The following NEGR1 variants were observed in gnomAD, a reference collection of about 807,000 sequenced individuals.
NEGR1 encodes neuronal growth regulator 1.
In NEGR1, 10 loss-of-function variants were observed where a neutral mutation model predicts 40.9. The observed-to-expected ratio is 0.24, with a 90% CI of 0.15 to 0.42. The LOEUF is 0.42. NEGR1 is among the 10% of genes least tolerant of loss of function. The pLI, the probability that NEGR1 is intolerant of heterozygous loss-of-function variation, is 1.00. For missense variants in NEGR1, 352 were observed against 438.9 expected (o/e 0.80, Z 1.77); for synonymous variants, 185 against 166.8 (o/e 1.11, Z -0.84).
intron 5 of NEGR1, among the ~76,000 whole-genome samples, chr1:71,594,571 A>G (rs150496378): frequency 0.015 from 2,331 of 152,314 alleles, 81 homozygotes; most frequent in Admixed American, 0.067. Context: ...ATAAACATTG[A>G]ACAAACTTTA....
At chr1:71,994,927 C>T (rs1646490315) in intron 1 of NEGR1, among the ~76,000 whole-genome samples, 1 of 141,776 alleles carries the variant, frequency 7.1e-6, no homozygotes, top group Non-Finnish European at 1.5e-5. Flanking sequence ...TCCTGCCAGG[C>T]ATCAGTATGC....
chr1:71,526,218 A>T (rs563768333), intron 6 of NEGR1, among the ~76,000 whole-genome samples: 2 of 151,710 alleles, frequency 1.3e-5, no homozygotes, highest in South Asian at 2.1e-4. Flanking sequence ...TTTGAAATAT[A>T]TTCTGAGCTG....
intron 6 of NEGR1, among the ~76,000 whole-genome samples, chr1:71,591,497 C>T (rs1298421334): frequency 6.6e-6 from 1 of 152,028 alleles, no homozygotes; most frequent in East Asian, 1.9e-4. Context: ...CTTTCAAGTG[C>T]TTGAATATTT....
chr1:71,706,299 C>T (rs1653897889), intron 3 of NEGR1, among the ~76,000 whole-genome samples: 1 of 152,118 alleles, frequency 6.6e-6, no homozygotes, highest in Non-Finnish European at 1.5e-5. Context: ...CAGCCCTAGC[C>T]AGAGGGGAAT....
intron 1 of NEGR1, among the ~76,000 whole-genome samples, chr1:72,111,911 C>T (rs1649385602): frequency 6.6e-6 from 1 of 151,762 alleles, no homozygotes; most frequent in Non-Finnish European, 1.5e-5. Context: ...AGATAATTAA[C>T]AAGAAGGTAA....
chr1:71,724,268 G>C (rs1213558), intron 3 of NEGR1, among the ~76,000 whole-genome samples: 75,073 of 151,880 alleles, frequency 0.49, 18,900 homozygotes, highest in East Asian at 0.78. Flanking sequence ...GCATCCAGTG[G>C]ATCACACCAT....
intron 6 of NEGR1, among the ~76,000 whole-genome samples, chr1:71,564,796 T>C (rs12092622): frequency 0.017 from 2,586 of 152,152 alleles, 77 homozygotes; most frequent in African/African-American, 0.06. Flanking sequence ...AACTCACAGA[T>C]CATATAATCA....
intron 4 of NEGR1, among the ~76,000 whole-genome samples, chr1:71,676,945 T>C (rs1354664892): frequency 6.6e-6 from 1 of 152,166 alleles, no homozygotes. Flanking sequence ...GGAGTGTAAG[T>C]TGCAGTTTAA....
chr1:72,015,097 AT>A (rs1343948021), intron 1 of NEGR1, among the ~76,000 whole-genome samples: 1 of 121,964 alleles, frequency 8.2e-6, no homozygotes, highest in African/African-American at 3.5e-5. Flanking sequence ...TCAGAAAAAA[AT>A]CTTTTGACAG....
chr1:71,928,166 A>G (rs1038874839), intron 2 of NEGR1, among the ~76,000 whole-genome samples: 1 of 134,096 alleles, frequency 7.5e-6, no homozygotes, highest in Non-Finnish European at 1.6e-5. Context: ...ATATACGTAT[A>G]TATGTATATA....
intron 2 of NEGR1, among the ~76,000 whole-genome samples, chr1:71,916,640 C>T (rs1661594227): frequency 6.6e-6 from 1 of 152,146 alleles, no homozygotes; most frequent in African/African-American, 2.4e-5. Context: ...CTTGTAATCA[C>T]AGCTACTTGG....
intron 5 of NEGR1, among the ~76,000 whole-genome samples, chr1:71,593,559 C>G (rs773309673): frequency 1.2e-3 from 178 of 152,200 alleles, no homozygotes; most frequent in Non-Finnish European, 2.1e-3. Context: ...AAGTTGAGTC[C>G]CATCACTGTC....
intron 2 of NEGR1, among the ~76,000 whole-genome samples, chr1:71,881,247 A>G (rs932069127): frequency 6.6e-6 from 1 of 152,082 alleles, no homozygotes; most frequent in Non-Finnish European, 1.5e-5. Context: ...CTGATGCAGA[A>G]AGAAAACAGA....
intron 4 of NEGR1, among the ~76,000 whole-genome samples, chr1:71,692,911 T>C (rs574986374): frequency 4.6e-4 from 70 of 151,820 alleles, no homozygotes; most frequent in Non-Finnish European, 7.2e-4. Context: ...TAAAAACGTG[T>C]GTACAAAATA....
chr1:72,008,520 T>G lies in NEGR1; in HGVS notation c.177-73209A>C, dbSNP rs78733010. On this transcript the variant is annotated intron_variant, in intron 1 of 6. Coordinates refer to ENST00000357731, the MANE Select transcript of NEGR1 (RefSeq NM_173808.3). ...CAGCAATAGAAACAATACCTATCTA[T>G]TGGGCTGCTTTAAGAATTAAATGAG... Among the ~76,000 whole-genome samples the G allele has an allele frequency of 2.0e-5, 3 of 152,234 alleles. No homozygotes were observed. In the East Asian group the frequency reaches 5.8e-4, roughly 29 times the overall value.
intron 1 of NEGR1, among the ~76,000 whole-genome samples, chr1:72,178,862 G>C (rs1240430941): frequency 6.6e-6 from 1 of 151,758 alleles, no homozygotes; most frequent in Non-Finnish European, 1.5e-5. Flanking sequence ...TTTGAGAAAT[G>C]TCTGTTCATG....
At chr1:71,880,402 C>T (rs998167705) in intron 2 of NEGR1, among the ~76,000 whole-genome samples, 27 of 151,454 alleles carry the variant, frequency 1.8e-4, no homozygotes, top group Non-Finnish European at 3.4e-4. Flanking sequence ...ATTTTGATGC[C>T]CCCAATTACT....
In NEGR1 at chr1:71,421,422, T is replaced by C. The variant is rs573108898; in HGVS notation, c.941-13852A>G. 4 of 152,168 alleles carry C rather than the reference T, an allele frequency of 2.6e-5. 1 individual carries two copies. In the South Asian group the frequency reaches 8.3e-4, roughly 32 times the overall value. 9.4% of individuals were successfully genotyped at this position (152,168 alleles called of 1,614,324 possible). A position where few individuals can be genotyped will look rare whatever the true frequency, so the allele number is the denominator to read the frequency against. ...AAGCTCGAGGTCAGGGCTTGAAAAC[T>C]TGAAAAATGGAAAAAGGATTAAGAG... On this transcript the variant is annotated intron_variant, in intron 6 of 6. Coordinates refer to ENST00000357731, the MANE Select transcript of NEGR1 (RefSeq NM_173808.3).
chr1:72,021,533 A>G (rs745522892), intron 1 of NEGR1, among the ~76,000 whole-genome samples: 2 of 152,104 alleles, frequency 1.3e-5, no homozygotes. Flanking sequence ...AGTCATAAAA[A>G]CCATATTGTG....
Sources: allele counts gnomAD v4.1 joint callset (sites outside exome capture counted in the v4.1 genomes callset), GRCh38; gene constraint gnomAD v4.1.1; transcripts MANE v1.5; gene names NCBI Gene and HGNC (gene_info 2026-07-23, HGNC 2026-07-21).